The following GLYATL2 variants were observed in gnomAD, a reference collection of about 807,000 sequenced individuals.
GLYATL2 encodes glycine-N-acyltransferase like 2, also known as glycine N-acyltransferase-like protein 2.
Under a neutral mutation model 21.4 loss-of-function variants are expected in GLYATL2, and 25 were observed. That is an observed-to-expected ratio of 1.17 (90% CI 0.85 to 1.63). GLYATL2 has a LOEUF of 1.63. Ranked by LOEUF, GLYATL2 falls within the 40% of genes most tolerant of loss-of-function variation. The pLI is 0.00. For synonymous variants in GLYATL2, 114 were observed against 118.2 expected (o/e 0.96, Z 0.23); for missense variants, 361 against 343.3 (o/e 1.05, Z -0.41).
At chr11:58,887,138 A>G (rs1374143876) in intron 1 of GLYATL2, among the ~76,000 whole-genome samples, 1 of 152,258 alleles carries the variant, frequency 6.6e-6, no homozygotes, top group East Asian at 1.9e-4. Flanking sequence ...ACGTAACTAT[A>G]GCACCAAACC....
At chr11:58,887,899 G>A (rs1250543657) in intron 1 of GLYATL2, among the ~76,000 whole-genome samples, 1 of 152,108 alleles carries the variant, frequency 6.6e-6, no homozygotes, top group Non-Finnish European at 1.5e-5. Flanking sequence ...ATCCTAAGTA[G>A]GCACTGCCAG....
intron 1 of GLYATL2, among the ~76,000 whole-genome samples, chr11:58,854,370 C>A (rs573742221): frequency 6.6e-6 from 1 of 152,160 alleles, no homozygotes; most frequent in African/African-American, 2.4e-5. Context: ...GCAAGTCACA[C>A]GAAGTTTATG....
intron 1 of GLYATL2, among the ~76,000 whole-genome samples, chr11:58,902,754 C>T (rs755849291): frequency 5.9e-5 from 9 of 152,192 alleles, no homozygotes; most frequent in Non-Finnish European, 1.2e-4. Context: ...TAATAAAATC[C>T]AGCCAACAAG....
At chr11:58,872,055 T>C (rs1232463300) in intron 1 of GLYATL2, among the ~76,000 whole-genome samples, 1 of 152,232 alleles carries the variant, frequency 6.6e-6, no homozygotes. Flanking sequence ...CATTTTTTCA[T>C]GTGTTTTTGG....
chr11:58,835,070 A>C (rs1853404759), intron 5 of GLYATL2, among the ~76,000 whole-genome samples: 1 of 152,164 alleles, frequency 6.6e-6, no homozygotes, highest in Non-Finnish European at 1.5e-5. Flanking sequence ...ATGATATGTT[A>C]TAGGACATCT....
Position 58,851,733 on chromosome 11 carries a change from G to C in GLYATL2, n.61-13365C>G, listed in dbSNP as rs540527615. Among the ~76,000 whole-genome samples the C allele has an allele frequency of 3.1e-4, 47 of 152,276 alleles. No individual in the cohort carries two copies. The South Asian group carries it at 9.8e-3, about 32-fold the overall frequency. On this transcript the variant is annotated intron_variant and non_coding_transcript_variant, in intron 1 of 4. Transcript: ENST00000533636. ...TCTGTAGAACTACAGAAATAGGTGG[G>C]TGACATGTGGGAAAAGATTCATAAG...
chr11:58,863,049 G>A (rs1370780228), intron 1 of GLYATL2, among the ~76,000 whole-genome samples: 1 of 152,206 alleles, frequency 6.6e-6, no homozygotes, highest in Non-Finnish European at 1.5e-5. Context: ...GGCTAGCCTG[G>A]TGCCTGTGTC....
At chr11:58,858,579 T>C (rs1853875160) in intron 1 of GLYATL2, among the ~76,000 whole-genome samples, 1 of 152,200 alleles carries the variant, frequency 6.6e-6, no homozygotes, top group African/African-American at 2.4e-5. Flanking sequence ...CACTACTCTT[T>C]AGCCAAGAAT....
chr11:58,879,979 C>T (rs1590743455), intron 1 of GLYATL2, among the ~76,000 whole-genome samples: 1 of 152,058 alleles, frequency 6.6e-6, no homozygotes, highest in Admixed American at 6.5e-5. Context: ...CTGCCTCAGC[C>T]TCCCAAGTAG....
intron 1 of GLYATL2, among the ~76,000 whole-genome samples, chr11:58,901,917 T>C (rs1038903452): frequency 4.6e-5 from 7 of 152,206 alleles, no homozygotes; most frequent in African/African-American, 1.7e-4. Context: ...CCCAGCCACA[T>C]GTTGGTCCCA....
chr11:58,903,844 G>A (rs536932156), intron 1 of GLYATL2, among the ~76,000 whole-genome samples: 4 of 151,980 alleles, frequency 2.6e-5, no homozygotes, highest in Non-Finnish European at 4.4e-5. Context: ...GCATTCACCC[G>A]CATGTGTTGA....
intron 1 of GLYATL2, among the ~76,000 whole-genome samples, chr11:58,853,416 C>T (rs1319133255): frequency 6.6e-6 from 1 of 152,144 alleles, no homozygotes; most frequent in African/African-American, 2.4e-5. Context: ...TTCCTATCTG[C>T]AGGTTCCACA....
In GLYATL2 at chr11:58,834,304, A is replaced by G; in HGVS notation, c.*125T>C. On this transcript the variant is annotated 3_prime_UTR_variant, in exon 6 of 6. Coordinates refer to ENST00000287275, the MANE Select transcript of GLYATL2 (RefSeq NM_145016.4). ...AAGGAAGGTAAAACTGTTAAGGGTGAGCTTAAGTAATACACAGATCCTAGA... is the reference window on the plus strand; with the variant it reads ...AAGGAAGGTAAAACTGTTAAGGGTGGGCTTAAGTAATACACAGATCCTAGA... 1 of 690,908 alleles carries G rather than the reference A, an allele frequency of 1.4e-6. No individual in the cohort carries two copies. Among genetic ancestry groups the G allele is most frequent in the Non-Finnish European group, 2.3e-6 (1 of 438,066 alleles). The allele number at this position is 690,908 out of a possible 1,614,324, so 42.8% of individuals were successfully genotyped here. A position where few individuals can be genotyped will look rare whatever the true frequency, so the allele number is the denominator to read the frequency against.
At chr11:58,896,712 G>A (rs201759506) in intron 1 of GLYATL2, among the ~76,000 whole-genome samples, 1 of 5,264 alleles carries the variant, frequency 1.9e-4, no homozygotes, top group African/African-American at 2.1e-4. Flanking sequence ...AACTTCTGTC[G>A]TTTTCAAACT....
chr11:58,868,980 C>T (rs927306208), intron 1 of GLYATL2, among the ~76,000 whole-genome samples: 4 of 149,208 alleles, frequency 2.7e-5, no homozygotes. Flanking sequence ...GGGAGTTGTT[C>T]GTCATTTTGT....
chr11:58,898,620 G>A (rs1473286375), intron 1 of GLYATL2, among the ~76,000 whole-genome samples: 6 of 151,890 alleles, frequency 4.0e-5, no homozygotes, highest in African/African-American at 1.2e-4. Flanking sequence ...AGATCACGAA[G>A]GTCAGGAGAT....
intron 1 of GLYATL2, among the ~76,000 whole-genome samples, chr11:58,840,419 G>A (rs1456166867): frequency 6.6e-6 from 1 of 152,118 alleles, no homozygotes; most frequent in Non-Finnish European, 1.5e-5. Context: ...TCAAGTTAAT[G>A]ATGGTGTATC....
chr11:58,907,596 T>C (rs1854932513), upstream of GLYATL2: 1 of 334,766 alleles, frequency 3.0e-6, no homozygotes, highest in African/African-American at 2.1e-5. Flanking sequence ...TTCTATCATC[T>C]CTCTCACTTC....
intron 3 of GLYATL2, 72 bp downstream of exon 3, chr11:58,838,189 C>G: frequency 2.1e-6 from 2 of 973,162 alleles, no homozygotes; most frequent in Middle Eastern, 2.2e-4. Flanking sequence ...TCCTCAGTTT[C>G]AGTTCCCTCA....
Sources: allele counts gnomAD v4.1 joint callset (sites outside exome capture counted in the v4.1 genomes callset), GRCh38; gene constraint gnomAD v4.1.1; transcripts MANE v1.5; gene names NCBI Gene and HGNC (gene_info 2026-07-23, HGNC 2026-07-21).